The following RNF13 variants were observed in gnomAD, a reference collection of about 807,000 sequenced individuals.
RNF13 encodes the protein E3 ubiquitin-protein ligase RNF13.
RNF13 carries 19 observed loss-of-function variants against 37.7 expected under a neutral mutation model. That is an observed-to-expected ratio of 0.50 (90% CI 0.35 to 0.74). The LOEUF is 0.74. Among genes scored for constraint, RNF13 ranks in the 30% least tolerant of loss-of-function variants. RNF13 has a pLI of 0.01. For synonymous variants in RNF13, 144 were observed against 157.8 expected (o/e 0.91, Z 0.65); for missense variants, 375 against 453.0 (o/e 0.83, Z 1.56).
In RNF13 at chr3:149,961,821, T is replaced by TA. The variant is rs1400127122; in HGVS notation, c.*722dup. On this transcript the variant is annotated 3_prime_UTR_variant, in exon 10 of 10. Coordinates refer to ENST00000392894, the MANE Select transcript of RNF13 (RefSeq NM_183381.3). The stretch of plus-strand genomic sequence containing the variant: ...ATCAAAGCAAAAAGAAAATGCTGCA[T>TA]AAAAATACCAAACTTCAGCAACTGT... 6.5e-6 allele frequency: 1 copy of TA among 153,492 alleles called. No homozygotes were observed. Among genetic ancestry groups the TA allele is most frequent in the African/African-American group, 2.4e-5 (1 of 41,474 alleles). 9.5% of individuals were successfully genotyped at this position (153,492 alleles called of 1,614,324 possible). A position where few individuals can be genotyped will look rare whatever the true frequency, so the allele number is the denominator to read the frequency against.
chr3:149,917,721 G>A (rs1271031167), intron 7 of RNF13, among the ~76,000 whole-genome samples: 2 of 152,034 alleles, frequency 1.3e-5, no homozygotes, highest in Admixed American at 6.6e-5. Flanking sequence ...GGATTCTTTG[G>A]TTATTTTCAA....
At chr3:149,835,161 A>G (rs1241525869) in intron 1 of RNF13, among the ~76,000 whole-genome samples, 1 of 152,218 alleles carries the variant, frequency 6.6e-6, no homozygotes, top group East Asian at 1.9e-4. Flanking sequence ...AGAAAAAAAT[A>G]GATGTTTGAC....
At chr3:149,844,302 T>TA in intron 1 of RNF13, among the ~76,000 whole-genome samples, 1 of 152,184 alleles carries the variant, frequency 6.6e-6, no homozygotes, top group East Asian at 1.9e-4. Flanking sequence ...GCACATGGGG[T>TA]AAAGTCCAGA....
intron 8 of RNF13, among the ~76,000 whole-genome samples, chr3:149,946,804 A>G (rs940149645): frequency 6.6e-6 from 1 of 151,438 alleles, no homozygotes; most frequent in African/African-American, 2.4e-5. Context: ...TGTTTGTTTC[A>G]TTTGTCTCTG....
intron 3 of RNF13, among the ~76,000 whole-genome samples, chr3:149,870,354 T>TGA (rs1711886494): frequency 6.6e-6 from 1 of 151,668 alleles, no homozygotes; most frequent in Admixed American, 6.6e-5. Flanking sequence ...GCTGGGAGTT[T>TGA]TTTTTACTTC....
At position 149,902,546 on chromosome 3, in the gene RNF13, A is replaced by G. The variant is rs577916581; in HGVS notation, c.500+384A>G. Among the ~76,000 whole-genome samples the G allele has an allele frequency of 2.0e-5, 3 of 152,212 alleles. No homozygotes were observed. In the South Asian group the frequency reaches 6.2e-4, roughly 32 times the overall value. On this transcript the variant is annotated intron_variant, in intron 6 of 9. Coordinates refer to ENST00000392894, the MANE Select transcript of RNF13 (RefSeq NM_183381.3). ...ATATTATAAACACAGAATCCAAAAC[A>G]TTGTGTTAAGGGACTAACATTTACA...
intron 8 of RNF13, among the ~76,000 whole-genome samples, chr3:149,924,111 C>G (rs908970852): frequency 6.6e-6 from 1 of 151,990 alleles, no homozygotes; most frequent in African/African-American, 2.4e-5. Context: ...TACTGATGGA[C>G]TAGATATTGG....
chr3:149,954,105 A>T (rs150740894), intron 8 of RNF13, among the ~76,000 whole-genome samples: 1 of 152,284 alleles, frequency 6.6e-6, no homozygotes, highest in East Asian at 1.9e-4. Context: ...TTTGGTTATC[A>T]TGAGATTTGA....
intron 1 of RNF13, among the ~76,000 whole-genome samples, chr3:149,833,636 T>TA (rs1374232311): frequency 6.6e-6 from 1 of 152,128 alleles, no homozygotes; most frequent in Non-Finnish European, 1.5e-5. Flanking sequence ...AGGCCATGTG[T>TA]AAAAAACCGA....
At chr3:149,848,272 G>A (rs1321949022) in intron 2 of RNF13, among the ~76,000 whole-genome samples, 2 of 152,184 alleles carry the variant, frequency 1.3e-5, no homozygotes, top group Non-Finnish European at 2.9e-5. Flanking sequence ...CTTTACACAG[G>A]TACTTGTGGA....
intron 6 of RNF13, 88 bp downstream of exon 6, chr3:149,902,250 T>C: frequency 3.1e-6 from 2 of 638,036 alleles, no homozygotes; most frequent in Non-Finnish European, 5.3e-6. Flanking sequence ...AAGATTATGT[T>C]TCAGAATGAA....
At chr3:149,895,617 A>G in intron 5 of RNF13, 57 bp downstream of exon 5, 1 of 1,166,730 alleles carries the variant, frequency 8.6e-7, no homozygotes, top group Non-Finnish European at 1.2e-6. Flanking sequence ...TGTAACTAAA[A>G]ATTAACAGGA....
rs563813243 is a variant in RNF13, at chr3:149,933,180, A to C, written c.700+11953A>C. On this transcript the variant is annotated intron_variant, in intron 8 of 9. Transcript: ENST00000392894. Reference sequence around the variant, plus strand: ...GCAGCCTCTTAAGATGGTGCAGGGCAGAGGCTCCGCAGGCCTGACCCACTA... The same window carrying C: ...GCAGCCTCTTAAGATGGTGCAGGGCCGAGGCTCCGCAGGCCTGACCCACTA... Among the ~76,000 whole-genome samples, 4 of 152,106 alleles carry C rather than the reference A, an allele frequency of 2.6e-5. No individual in the cohort carries two copies. The East Asian group carries it at 7.8e-4, about 30-fold the overall frequency.
chr3:149,889,292 CGTGTGT>C (rs376618726), intron 4 of RNF13, among the ~76,000 whole-genome samples: 31 of 138,120 alleles, frequency 2.2e-4, no homozygotes, highest in Admixed American at 1.5e-3. Context: ...TTTGAGTGTG[CGTGTGT>C]GTGTGTGTGT....
rs534753869 is a variant in RNF13, at chr3:149,895,614, A to C, written c.409+54A>C. On this transcript the variant is annotated intron_variant, in intron 5 of 9. Transcript: ENST00000392894. ...CCTGTTTGACAGATCATTTGTAACT[A>C]AAAATTAACAGGATTTTCCTTCTCT... 4.2e-6 allele frequency: 5 copies of C among 1,180,906 alleles called. No individual in the cohort carries two copies. In the East Asian group the frequency reaches 1.2e-4, roughly 28 times the overall value. 73.2% of individuals were successfully genotyped at this position (1,180,906 alleles called of 1,614,324 possible).
intron 9 of RNF13, 48 bp from the exon 10 acceptor site, chr3:149,960,692 G>GT (rs1722317221): frequency 6.6e-7 from 1 of 1,525,294 alleles, no homozygotes; most frequent in Non-Finnish European, 8.8e-7. Flanking sequence ...AAATATAAAA[G>GT]TATCAACCGC....
chr3:149,937,576 TTTG>T (rs1719828284), intron 8 of RNF13, among the ~76,000 whole-genome samples: 1 of 152,182 alleles, frequency 6.6e-6, no homozygotes, highest in Non-Finnish European at 1.5e-5. Context: ...ACTCTGCCAT[TTTG>T]GTAACATCAC....
intron 1 of RNF13, among the ~76,000 whole-genome samples, chr3:149,821,190 G>A (rs1384989132): frequency 3.9e-5 from 6 of 152,178 alleles, no homozygotes; most frequent in Admixed American, 3.3e-4. Context: ...ACCAAGAATG[G>A]AATGCTGGGT....
intron 7 of RNF13, among the ~76,000 whole-genome samples, chr3:149,920,099 CTTA>C (rs1219102174): frequency 6.6e-6 from 1 of 151,922 alleles, no homozygotes; most frequent in Admixed American, 6.6e-5. Context: ...AACTTGTTTT[CTTA>C]TTATTGAGTT....
Sources: gnomAD v4.1 joint callset for allele counts (sites outside exome capture counted in the v4.1 genomes callset) on GRCh38, gnomAD v4.1.1 for gene constraint, MANE v1.5 for transcripts, NCBI Gene and HGNC (gene_info 2026-07-23, HGNC 2026-07-21) for gene names.